PEBP4: variants seen among roughly 807,000 people sequenced by gnomAD.
PEBP4 encodes the protein phosphatidylethanolamine binding protein 4.
Under a neutral mutation model 23.9 loss-of-function variants are expected in PEBP4, and 22 were observed. The ratio of observed to expected loss-of-function variants is 0.92; its 90% CI spans 0.66 to 1.31. The LOEUF is 1.31. PEBP4 is among the 40% of genes most tolerant of loss of function. PEBP4 has a pLI of 0.00. For synonymous variants in PEBP4, 112 were observed against 99.3 expected (o/e 1.13, Z -0.76); for missense variants, 324 against 281.7 (o/e 1.15, Z -1.07).
intron 4 of PEBP4, among the ~76,000 whole-genome samples, chr8:22,799,945 GAACC>G (rs1405903655): frequency 1.3e-5 from 2 of 152,158 alleles, no homozygotes; most frequent in Admixed American, 6.5e-5. Flanking sequence ...CAAAGACTTG[GAACC>G]AACCCAAATG....
At position 22,865,489 on chromosome 8, in the gene PEBP4, C is replaced by T. The variant is rs1002246700; in HGVS notation, c.259-47754G>A. ...GAGGTGGAGCGCGCCACCGCCCCCC[C>T]GGCCGCGCAGCGAGAAGGAGCCTCG... is the stretch of plus-strand genomic sequence containing the variant. On this transcript the variant is annotated intron_variant, in intron 3 of 6. Coordinates refer to ENST00000256404, the MANE Select transcript of PEBP4 (RefSeq NM_144962.3). This position sits in a 1 kb window ranked among gnomAD's most constrained non-coding sequence, Gnocchi z 6.9. Among the ~76,000 whole-genome samples, 5 of 152,094 alleles carry T rather than the reference C, an allele frequency of 3.3e-5. No homozygotes were observed. The highest frequency in any genetic ancestry group is 7.4e-5 in the Non-Finnish European group (5 of 68,008).
At chr8:22,813,269 A>C (rs183442317) in intron 4 of PEBP4, among the ~76,000 whole-genome samples, 3 of 152,330 alleles carry the variant, frequency 2.0e-5, no homozygotes, top group Admixed American at 1.3e-4. Context: ...GGAACCATGA[A>C]CTTGCCAATT....
chr8:22,884,769 G>A (rs1389674949), intron 3 of PEBP4: 1 of 152,162 alleles, frequency 6.6e-6, no homozygotes, highest in African/African-American at 2.4e-5. Context: ...TTCTCCCAAT[G>A]TCCTCTCCTT....
chr8:22,779,727 G>A (rs561637888), intron 4 of PEBP4, among the ~76,000 whole-genome samples: 12 of 152,350 alleles, frequency 7.9e-5, no homozygotes, highest in African/African-American at 2.6e-4. Flanking sequence ...GGTGAGGAAA[G>A]TCAGGTCTGG....
intron 4 of PEBP4, among the ~76,000 whole-genome samples, chr8:22,765,116 T>TCTTTCTTCCTTCCTTC (rs1554483037): frequency 4.8e-5 from 7 of 144,898 alleles, no homozygotes; most frequent in East Asian, 2.1e-4. Context: ...TTCCTTTATT[T>TCTTTCTTCCTTCCTTC]CTTCCTTCCT....
At chr8:22,904,214 C>T (rs886967911) in intron 3 of PEBP4, among the ~76,000 whole-genome samples, 4 of 152,184 alleles carry the variant, frequency 2.6e-5, no homozygotes, top group Non-Finnish European at 4.4e-5. Context: ...CAGCTTGTGC[C>T]TCAGTACCTG....
chr8:22,793,752 C>G (rs895477188), intron 4 of PEBP4, among the ~76,000 whole-genome samples: 2 of 152,110 alleles, frequency 1.3e-5, no homozygotes, highest in Non-Finnish European at 2.9e-5. Flanking sequence ...ATACATAACA[C>G]GCCCTGCCTT....
intron 4 of PEBP4, among the ~76,000 whole-genome samples, chr8:22,788,261 C>T (rs1806067263): frequency 6.6e-6 from 1 of 152,036 alleles, no homozygotes; most frequent in East Asian, 1.9e-4. Flanking sequence ...CACCGAGAAA[C>T]CCCTGGGACA....
Position 22,868,472 on chromosome 8 carries a change from T to C in PEBP4, c.259-50737A>G, listed in dbSNP as rs752873675. ...AGGTAGGGGTGGGAGGAATTGGGTT[T>C]TATTTTTCCTTTTTATTCCCCACAG... On this transcript the variant is annotated intron_variant, in intron 3 of 6. Coordinates refer to ENST00000256404, the MANE Select transcript of PEBP4 (RefSeq NM_144962.3). Among the ~76,000 whole-genome samples, 126 of 152,168 alleles carry C rather than the reference T, an allele frequency of 8.3e-4. 1 individual carries two copies. Among genetic ancestry groups the C allele is most frequent in the Non-Finnish European group, 1.4e-3 (96 of 67,998 alleles).
At chr8:22,917,426 C>A (rs1216808438) in intron 3 of PEBP4, among the ~76,000 whole-genome samples, 3 of 152,170 alleles carry the variant, frequency 2.0e-5, no homozygotes, top group Non-Finnish European at 4.4e-5. Flanking sequence ...CCTGCCCACC[C>A]CCTTCCATTC....
At chr8:22,854,766 T>C (rs527432087) in intron 3 of PEBP4, among the ~76,000 whole-genome samples, 1 of 152,290 alleles carries the variant, frequency 6.6e-6, no homozygotes, top group African/African-American at 2.4e-5. Flanking sequence ...AATTCTTTAA[T>C]AAAGCATGCA....
intron 3 of PEBP4, among the ~76,000 whole-genome samples, chr8:22,864,206 G>T (rs1051233833): frequency 6.6e-6 from 1 of 152,170 alleles, no homozygotes; most frequent in Non-Finnish European, 1.5e-5. Flanking sequence ...TCTCAGCTCA[G>T]GTGTCACCTA....
intron 2 of PEBP4, among the ~76,000 whole-genome samples, chr8:22,924,495 T>C (rs916286280): frequency 6.6e-6 from 1 of 152,078 alleles, no homozygotes; most frequent in Non-Finnish European, 1.5e-5. Context: ...ACCACACACA[T>C]GAATGACCAC....
At chr8:22,799,914 T>C (rs1012709607) in intron 4 of PEBP4, among the ~76,000 whole-genome samples, 3 of 152,262 alleles carry the variant, frequency 2.0e-5, no homozygotes, top group African/African-American at 7.2e-5. Context: ...TGTATGTTTA[T>C]TGTGGCACTA....
At chr8:22,773,363 T>C (rs1011106048) in intron 4 of PEBP4, among the ~76,000 whole-genome samples, 2 of 152,170 alleles carry the variant, frequency 1.3e-5, no homozygotes. Flanking sequence ...AGTTTCAATA[T>C]GGTGGACAGG....
intron 4 of PEBP4, among the ~76,000 whole-genome samples, chr8:22,814,733 G>A (rs1360495156): frequency 1.3e-5 from 2 of 152,178 alleles, no homozygotes; most frequent in Non-Finnish European, 2.9e-5. Flanking sequence ...TACTAAGGCT[G>A]CTTGGGTAAT....
chr8:22,879,696 CG>C (rs1808204650), intron 3 of PEBP4, among the ~76,000 whole-genome samples: 1 of 152,030 alleles, frequency 6.6e-6, no homozygotes, highest in African/African-American at 2.4e-5. Context: ...TGCTTCACAC[CG>C]GGGGAGGTGT....
At chr8:22,939,068 T>C (rs1809576875) in intron 1 of PEBP4, among the ~76,000 whole-genome samples, 1 of 152,202 alleles carries the variant, frequency 6.6e-6, no homozygotes, top group South Asian at 2.1e-4. Context: ...AATTTGAAAA[T>C]TGTCTTGAAA....
At chr8:22,793,615 G>A (rs149512000) in intron 4 of PEBP4, among the ~76,000 whole-genome samples, 95 of 152,104 alleles carry the variant, frequency 6.2e-4, no homozygotes, top group African/African-American at 2.2e-3. Flanking sequence ...TAATTTATTT[G>A]CCAACTGTGT....
Sources: allele counts gnomAD v4.1 joint callset (sites outside exome capture counted in the v4.1 genomes callset), GRCh38; gene constraint gnomAD v4.1.1; non-coding constraint Gnocchi (gnomAD v3.1); transcripts MANE v1.5; gene names NCBI Gene and HGNC (gene_info 2026-07-23, HGNC 2026-07-21).